ARHGEF10: variants seen among roughly 807,000 people sequenced by gnomAD.
ARHGEF10 encodes the protein Rho guanine nucleotide exchange factor 10, also known as Rho guanine nucleotide exchange factor (GEF) 10.
Under a neutral mutation model 147.4 loss-of-function variants are expected in ARHGEF10, and 140 were observed. That is an observed-to-expected ratio of 0.95 (90% CI 0.83 to 1.09). The LOEUF is 1.09. Ranked by LOEUF, ARHGEF10 falls within the 50% of genes least tolerant of loss-of-function variation. The probability of loss-of-function intolerance (pLI) is 0.00; values close to 1 mark genes in which losing one functional copy is unlikely to be tolerated. For missense variants in ARHGEF10, 2,222 were observed against 1,752.7 expected (o/e 1.27, Z -4.78); for synonymous variants, 902 against 695.8 (o/e 1.30, Z -4.67).
At chr8:1,837,069 C>G (rs960864688) in intron 1 of ARHGEF10, among the ~76,000 whole-genome samples, 1 of 152,218 alleles carries the variant, frequency 6.6e-6, no homozygotes, top group Non-Finnish European at 1.5e-5. Flanking sequence ...CTGATACAGC[C>G]TCATAGAAAT....
Position 1,926,665 on chromosome 8 carries a change from T to C in ARHGEF10, c.2697+202T>C, listed in dbSNP as rs1034422797. 9.4e-6 allele frequency: 6 copies of C among 635,778 alleles called. No homozygotes were observed. The Admixed American group carries it at 1.0e-4, about 11-fold the overall frequency. The allele number at this position is 635,778 out of a possible 1,614,324, so 39.4% of individuals were successfully genotyped here. A position where few individuals can be genotyped will look rare whatever the true frequency, so the allele number is the denominator to read the frequency against. Reference sequence around the variant, plus strand: ...TTTACAGTTCTTAGGAATGCAAATATTTGTTTCTTTTCCTTTTCATCTAAA... The same window carrying C: ...TTTACAGTTCTTAGGAATGCAAATACTTGTTTCTTTTCCTTTTCATCTAAA... On this transcript the variant is annotated intron_variant, in intron 23 of 28. Transcript: ENST00000349830.
intron 28 of ARHGEF10, among the ~76,000 whole-genome samples, chr8:1,953,820 G>A (rs540248775): frequency 6.6e-6 from 1 of 152,134 alleles, no homozygotes; most frequent in African/African-American, 2.4e-5. Context: ...ATTCTATGTG[G>A]GTTACTATGT....
chr8:1,956,777 C>A lies in ARHGEF10; in HGVS notation c.3549C>A (p.His1183Gln). Reference protein sequence around the residue: ...TGRGMVSYHAHNSPVKFIVLA... With the variant: ...TGRGMVSYHAQNSPVKFIVLA... ...GAGGCATGGTCTCCTACCATGCACACAACAGTCCTGTCAAATTCATCGTCC... is the reference window on the plus strand; with the variant it reads ...GAGGCATGGTCTCCTACCATGCACAAAACAGTCCTGTCAAATTCATCGTCC... The change falls in exon 29 of 29, where the codon CAC becomes CAA. Residue 1183 changes from histidine to glutamine, a missense_variant. Physicochemically the swap from His to Gln is conservative, Grantham distance 24 (BLOSUM62 0). Transcript: ENST00000349830. The A allele has an allele frequency of 6.2e-7, 1 of 1,614,026 alleles. No individual in the cohort carries two copies. The highest frequency in any genetic ancestry group is 8.5e-7 in the Non-Finnish European group (1 of 1,180,042).
intron 27 of ARHGEF10, 157 bp downstream of exon 27, chr8:1,945,812 G>C (rs1048007553): frequency 8.8e-7 from 1 of 1,139,124 alleles, no homozygotes; most frequent in Admixed American, 1.8e-5. Flanking sequence ...AGGGACAGAC[G>C]TGGGAGTACG....
At chr8:1,836,876 G>C (rs1368102825) in intron 1 of ARHGEF10, among the ~76,000 whole-genome samples, 2 of 152,112 alleles carry the variant, frequency 1.3e-5, no homozygotes, top group African/African-American at 2.4e-5. Context: ...AGATCTGATG[G>C]GTTTATCAGG....
chr8:1,884,775 G>A (rs1211021196), intron 10 of ARHGEF10, among the ~76,000 whole-genome samples: 1 of 152,058 alleles, frequency 6.6e-6, no homozygotes, highest in African/African-American at 2.4e-5. Flanking sequence ...GCGTTTTCTT[G>A]TTTTTTAGAG....
At chr8:1,876,785 C>G (rs1161126451) in intron 8 of ARHGEF10, 51 bp downstream of exon 8, 1 of 1,590,160 alleles carries the variant, frequency 6.3e-7, no homozygotes, top group Non-Finnish European at 8.6e-7. Context: ...TTAACACGGA[C>G]AGGGGGCTGT....
In ARHGEF10 at chr8:1,912,295, C is replaced by T. The variant is rs951681120; in HGVS notation, c.2143+2825C>T. Among the ~76,000 whole-genome samples the T allele has an allele frequency of 4.6e-5, 7 of 152,162 alleles. 1 individual carries two copies. Among genetic ancestry groups the T allele is most frequent in the Non-Finnish European group, 4.4e-5 (3 of 68,030 alleles). ...AGACTCAGCAGGAAGCTCGCCGTCC[C>T]TGCAAAGGCGCTGTGTGGATTGTGC... On this transcript the variant is annotated intron_variant, in intron 18 of 28. Coordinates refer to ENST00000349830, the MANE Select transcript of ARHGEF10 (RefSeq NM_014629.4).
intron 1 of ARHGEF10, among the ~76,000 whole-genome samples, chr8:1,833,655 C>T (rs1221790899): frequency 6.6e-6 from 1 of 152,234 alleles, no homozygotes; most frequent in Non-Finnish European, 1.5e-5. Context: ...CCTTTCCATG[C>T]CAGGCCCCGG....
chr8:1,954,027 A>G (rs1815278760), intron 28 of ARHGEF10, among the ~76,000 whole-genome samples: 1 of 152,110 alleles, frequency 6.6e-6, no homozygotes, highest in South Asian at 2.1e-4. Context: ...TTATGTTTTT[A>G]TTATGATATA....
rs758139509 is a variant in ARHGEF10 at position 1,880,116 on chromosome 8, G to A, written c.912G>A (p.Thr304=). The A allele has an allele frequency of 3.7e-6, 6 of 1,614,044 alleles. No individual in the cohort carries two copies. The highest frequency in any genetic ancestry group is 1.7e-5 in the Admixed American group (1 of 60,012). ...AGATGAGAGATTTGATGGCAAGCAC[G>A]GTGGGCGTGGTGGAGATTCAGCAGC... is the stretch of plus-strand genomic sequence containing the variant. The part of the protein sequence containing the change: ...EKKMRDLMAS[T]VGVVEIQQLR... Residue 304 remains threonine, a synonymous_variant, in exon 9 of 29, where the codon ACG becomes ACA. Coordinates refer to ENST00000349830, the MANE Select transcript of ARHGEF10 (RefSeq NM_014629.4).
chr8:1,836,828 T>A (rs376064225), intron 1 of ARHGEF10, among the ~76,000 whole-genome samples: 1 of 152,184 alleles, frequency 6.6e-6, no homozygotes, highest in East Asian at 1.9e-4. Context: ...GGGCTGGTCT[T>A]TCCCGTGATA....
At chr8:1,942,210 G>C (rs540897722) in intron 26 of ARHGEF10, among the ~76,000 whole-genome samples, 5 of 149,440 alleles carry the variant, frequency 3.3e-5, no homozygotes, top group African/African-American at 1.2e-4. Context: ...AATACGTACA[G>C]CTCATGTGAG....
chr8:1,905,859 C>A, intron 17 of ARHGEF10, 143 bp downstream of exon 17: 1 of 993,248 alleles, frequency 1.0e-6, no homozygotes, highest in Non-Finnish European at 1.5e-6. Flanking sequence ...CTAAGGGAAC[C>A]CTTATAATAA....
chr8:1,906,717 A>C lies in ARHGEF10; in HGVS notation c.1967+1001A>C, dbSNP rs573967386. Reference sequence around the variant, plus strand: ...TTTGCCTCGGACTCCTCATCCGTGCAATAGGGTTGATCATAAAAATAATGC... The same window carrying C: ...TTTGCCTCGGACTCCTCATCCGTGCCATAGGGTTGATCATAAAAATAATGC... On this transcript the variant is annotated intron_variant, in intron 17 of 28. Coordinates refer to ENST00000349830, the MANE Select transcript of ARHGEF10 (RefSeq NM_014629.4). Among the ~76,000 whole-genome samples the C allele has an allele frequency of 2.6e-5, 4 of 152,276 alleles. No individual in the cohort carries two copies. The East Asian group carries it at 7.7e-4, about 29-fold the overall frequency.
rs1255369590 is a variant in ARHGEF10 at position 1,880,993 on chromosome 8, A to G, written c.960+829A>G. 2.0e-5 allele frequency among the ~76,000 whole-genome samples: 3 copies of G among 152,090 alleles called. No individual in the cohort carries two copies. In the East Asian group the frequency reaches 5.8e-4, roughly 29 times the overall value. ...GCTCCCCTGCAGGGTGTCTGATGGGACCTGCCGGAGGCTGCAGGCAGTGTG... is the reference window on the plus strand; with the variant it reads ...GCTCCCCTGCAGGGTGTCTGATGGGGCCTGCCGGAGGCTGCAGGCAGTGTG... On this transcript the variant is annotated intron_variant, in intron 9 of 28. Transcript: ENST00000349830.
At chr8:1,912,443 T>C (rs534131676) in intron 18 of ARHGEF10, among the ~76,000 whole-genome samples, 5 of 125,440 alleles carry the variant, frequency 4.0e-5, no homozygotes, top group Non-Finnish European at 7.1e-5. Flanking sequence ...GCAAAAGTGC[T>C]GTGTGGATCG....
intron 28 of ARHGEF10, among the ~76,000 whole-genome samples, chr8:1,954,080 G>A (rs1471840950): frequency 6.6e-6 from 1 of 152,096 alleles, no homozygotes; most frequent in East Asian, 1.9e-4. Flanking sequence ...AAAACAAAAT[G>A]CGAAATGCTC....
At chr8:1,854,309 C>T (rs1805384545) in intron 2 of ARHGEF10, among the ~76,000 whole-genome samples, 1 of 152,200 alleles carries the variant, frequency 6.6e-6, no homozygotes, top group African/African-American at 2.4e-5. Context: ...CTCCAGGCGG[C>T]CTCGCCCTCT....
Sources: gnomAD v4.1 joint callset for allele counts (sites outside exome capture counted in the v4.1 genomes callset) on GRCh38, gnomAD v4.1.1 for gene constraint, MANE v1.5 for transcripts, NCBI Gene and HGNC (gene_info 2026-07-23, HGNC 2026-07-21) for gene names.